The following SIMC1 variants were observed in gnomAD, a reference collection of about 807,000 sequenced individuals.
The protein encoded by SIMC1 is SUMO interacting motifs containing 1, also known as SUMO-interacting motif-containing protein 1.
SIMC1 carries 55 observed loss-of-function variants against 82.3 expected under a neutral mutation model. That is an observed-to-expected ratio of 0.67 (90% CI 0.54 to 0.84). The LOEUF is 0.84. SIMC1 is among the 40% of genes least tolerant of loss of function. The pLI is 0.00. For synonymous variants in SIMC1, 353 were observed against 426.3 expected (o/e 0.83, Z 2.12); for missense variants, 915 against 1,107.2 (o/e 0.83, Z 2.46).
chr5:176,266,334 T>C (rs1303400655), intron 1 of SIMC1, among the ~76,000 whole-genome samples: 1 of 151,762 alleles, frequency 6.6e-6, no homozygotes, highest in Non-Finnish European at 1.5e-5. Context: ...ACAAGAAAAA[T>C]CATACGAAGG....
At chr5:176,282,767 A>G (rs559353004) in intron 1 of SIMC1, among the ~76,000 whole-genome samples, 26 of 152,364 alleles carry the variant, frequency 1.7e-4, no homozygotes, top group South Asian at 1.4e-3. Context: ...AAGAAGCTAA[A>G]AACCTTGAGA....
chr5:176,341,502 C>A (rs894344673), intron 9 of SIMC1, among the ~76,000 whole-genome samples: 3 of 152,102 alleles, frequency 2.0e-5, no homozygotes, highest in African/African-American at 4.8e-5. Flanking sequence ...TGATGTGTAG[C>A]GAATCATTTG....
At chr5:176,303,675 C>G (rs1764141658) in intron 4 of SIMC1, among the ~76,000 whole-genome samples, 1 of 152,134 alleles carries the variant, frequency 6.6e-6, no homozygotes. Context: ...CACTTCTTGA[C>G]TGTAAAATAT....
chr5:176,249,886 T>TA (rs1402722196), intron 1 of SIMC1, among the ~76,000 whole-genome samples: 2 of 151,560 alleles, frequency 1.3e-5, no homozygotes, highest in Non-Finnish European at 2.9e-5. Flanking sequence ...ATTCATTGAT[T>TA]TTTTGAAGGG....
intron 5 of SIMC1, among the ~76,000 whole-genome samples, chr5:176,320,161 C>T (rs1033211703): frequency 6.6e-6 from 1 of 152,112 alleles, no homozygotes; most frequent in Non-Finnish European, 1.5e-5. Flanking sequence ...TTCAGCATGC[C>T]TATGTTCATT....
At position 176,270,525 on chromosome 5, in the gene SIMC1, G is replaced by C. The variant is rs1762379761; in HGVS notation, c.130-19129G>C. On this transcript the variant is annotated intron_variant, in intron 1 of 9. Transcript: ENST00000429602. ...TTCAGAAGAACTAAAACTCAGGTGAGCAATCACAGTACCTGGTTTTAACAT... is the reference window on the plus strand; with the variant it reads ...TTCAGAAGAACTAAAACTCAGGTGACCAATCACAGTACCTGGTTTTAACAT... 1.3e-5 allele frequency: 2 copies of C among 152,108 alleles called. 1 individual carries two copies. The highest frequency in any genetic ancestry group is 4.1e-4 in the South Asian group (2 of 4,830). 9.4% of individuals were successfully genotyped at this position (152,108 alleles called of 1,614,324 possible). A position where few individuals can be genotyped will look rare whatever the true frequency, so the allele number is the denominator to read the frequency against.
intron 1 of SIMC1, among the ~76,000 whole-genome samples, chr5:176,284,743 G>C (rs780810719): frequency 6.6e-6 from 1 of 151,724 alleles, no homozygotes; most frequent in Non-Finnish European, 1.5e-5. Flanking sequence ...TCTAGGAGCT[G>C]GGCAATAAAA....
At chr5:176,337,016 A>G in intron 8 of SIMC1, 46 bp from the exon 9 acceptor site, 1 of 1,606,096 alleles carries the variant, frequency 6.2e-7, no homozygotes, top group Non-Finnish European at 8.5e-7. Flanking sequence ...CAAAAATTTT[A>G]ACTGGGGAAG....
chr5:176,249,536 A>C (rs929025762), intron 1 of SIMC1, among the ~76,000 whole-genome samples: 1 of 151,402 alleles, frequency 6.6e-6, no homozygotes, highest in African/African-American at 2.4e-5. Flanking sequence ...TATGTTGTTA[A>C]TCTTTTCAAA....
At chr5:176,276,929 G>A (rs1244857281) in intron 1 of SIMC1, among the ~76,000 whole-genome samples, 1 of 150,646 alleles carries the variant, frequency 6.6e-6, no homozygotes, top group Non-Finnish European at 1.5e-5. Flanking sequence ...TGTCTTTATA[G>A]CAGCATGATT....
At chr5:176,262,254 A>G (rs554545691) in intron 1 of SIMC1, among the ~76,000 whole-genome samples, 13 of 149,422 alleles carry the variant, frequency 8.7e-5, no homozygotes, top group African/African-American at 3.2e-4. Context: ...GAGGCCAAAA[A>G]AGCATTTAAT....
At chr5:176,261,759 GA>G (rs1340857291) in intron 1 of SIMC1, among the ~76,000 whole-genome samples, 28 of 148,350 alleles carry the variant, frequency 1.9e-4, no homozygotes, top group South Asian at 6.5e-4. Flanking sequence ...AAAAAAAAAG[GA>G]AAAAAAAAAG....
At chr5:176,344,394 G>C (rs1282336905) in intron 9 of SIMC1, among the ~76,000 whole-genome samples, 1 of 152,060 alleles carries the variant, frequency 6.6e-6, no homozygotes, top group Non-Finnish European at 1.5e-5. Context: ...GAGTAGGCCA[G>C]GCACGGTGGC....
intron 1 of SIMC1, among the ~76,000 whole-genome samples, chr5:176,253,273 C>T (rs1279333080): frequency 6.6e-6 from 1 of 152,126 alleles, no homozygotes; most frequent in Non-Finnish European, 1.5e-5. Context: ...GTGGGTAACC[C>T]GACCTTTCCC....
intron 1 of SIMC1, among the ~76,000 whole-genome samples, chr5:176,272,730 C>T (rs1561682803): frequency 6.6e-6 from 1 of 152,184 alleles, no homozygotes; most frequent in Non-Finnish European, 1.5e-5. Flanking sequence ...TGGGGTCACT[C>T]CACCCTAATA....
intron 1 of SIMC1, among the ~76,000 whole-genome samples, chr5:176,268,488 T>C (rs1430614687): frequency 7.0e-6 from 1 of 143,096 alleles, no homozygotes; most frequent in Non-Finnish European, 1.5e-5. Context: ...TAGAAAGAAA[T>C]ATACCATGCA....
At chr5:176,323,902 G>A (rs1411086270) in intron 6 of SIMC1, among the ~76,000 whole-genome samples, 2 of 151,928 alleles carry the variant, frequency 1.3e-5, no homozygotes, top group Non-Finnish European at 2.9e-5. Context: ...GCAGGAGAAT[G>A]GAGTGAACCT....
chr5:176,297,668 G>A (rs947478632), intron 4 of SIMC1, among the ~76,000 whole-genome samples: 2 of 152,108 alleles, frequency 1.3e-5, no homozygotes, highest in African/African-American at 4.8e-5. Flanking sequence ...CTCACCTAAA[G>A]CAATTGGCTA....
At chr5:176,313,303 T>C in intron 4 of SIMC1, 1 of 1,454,648 alleles carries the variant, frequency 6.9e-7, no homozygotes, top group East Asian at 2.5e-5. Context: ...GTTGATAGGT[T>C]CAGTGAGAGG....
Sources: gnomAD v4.1 joint callset for allele counts (sites outside exome capture counted in the v4.1 genomes callset) on GRCh38, gnomAD v4.1.1 for gene constraint, MANE v1.5 for transcripts, NCBI Gene and HGNC (gene_info 2026-07-23, HGNC 2026-07-21) for gene names.